Variants in NFASC observed in about 807,000 individuals in gnomAD.
The protein encoded by NFASC is neurofascin.
A neutral mutation model predicts 147.5 loss-of-function variants in NFASC; 43 were observed. The observed-to-expected ratio is 0.29, with a 90% CI of 0.23 to 0.38. NFASC has a LOEUF of 0.38. Ranked by LOEUF, NFASC falls within the 10% of genes least tolerant of loss-of-function variation. NFASC has a pLI of 1.00. For missense variants in NFASC, 1,320 were observed against 1,689.0 expected (o/e 0.78, Z 3.83); for synonymous variants, 622 against 665.5 (o/e 0.93, Z 1.01).
chr1:205,003,402 C>A (rs2096037589), intron 27 of NFASC, among the ~76,000 whole-genome samples: 1 of 152,188 alleles, frequency 6.6e-6, no homozygotes. Flanking sequence ...GATGAAGAAA[C>A]ATCTTCCTTG....
intron 1 of NFASC, among the ~76,000 whole-genome samples, chr1:204,843,292 A>G (rs1012601533): frequency 2.0e-5 from 3 of 152,136 alleles, no homozygotes; most frequent in African/African-American, 7.2e-5. Context: ...TTTTTAATTG[A>G]ACATGTTATT....
In NFASC at chr1:204,951,419, C is replaced by T. The variant is rs57684021; in HGVS notation, c.110-592C>T. ...CCTCAGAAAATCCATCCGCCTCAGC[C>T]TCTCAAAGTGCTGGGATTACAGGTG... On this transcript the variant is annotated intron_variant, in intron 4 of 29. Transcript: ENST00000339876. 3.4e-3 allele frequency among the ~76,000 whole-genome samples: 517 copies of T among 150,958 alleles called. 7 individuals carry two copies. Among genetic ancestry groups the T allele is most frequent in the African/African-American group, 0.012 (484 of 41,090 alleles).
chr1:204,851,922 G>A (rs879310454), intron 1 of NFASC, among the ~76,000 whole-genome samples: 2 of 152,212 alleles, frequency 1.3e-5, no homozygotes, highest in Non-Finnish European at 2.9e-5. Flanking sequence ...TGGCTTTGAT[G>A]CTCTGGAATT....
chr1:204,970,226 G>A (rs2095183240), intron 10 of NFASC, among the ~76,000 whole-genome samples: 1 of 152,140 alleles, frequency 6.6e-6, no homozygotes, highest in Non-Finnish European at 1.5e-5. Context: ...TTCCCTAGCA[G>A]TGGAGCCATT....
chr1:204,989,615 C>T (rs1044250836), intron 23 of NFASC: 28 of 152,210 alleles, frequency 1.8e-4, no homozygotes, highest in Admixed American at 9.2e-4. Context: ...TGGGGACCCC[C>T]GTGTGTCTCC....
chr1:205,009,465 C>T lies in NFASC; in HGVS notation c.3290-92C>T, dbSNP rs1003830055. The T allele has an allele frequency of 2.9e-6, 4 of 1,374,048 alleles. No individual in the cohort carries two copies. The African/African-American group carries it at 5.6e-5, about 19-fold the overall frequency. The allele number at this position is 1,374,048 out of a possible 1,614,324, so 85.1% of individuals were successfully genotyped here. On this transcript the variant is annotated intron_variant, in intron 27 of 29. Coordinates refer to ENST00000339876, the MANE Select transcript of NFASC (RefSeq NM_001005388.3). The stretch of plus-strand genomic sequence containing the variant: ...TGTTAGGCTCCAGGAGAAACATCCA[C>T]ATGAGATAGCTGAAGTTCTTCCCTC...
chr1:204,980,004 A>G (rs1359115724), intron 19 of NFASC, among the ~76,000 whole-genome samples: 1 of 152,242 alleles, frequency 6.6e-6, no homozygotes, highest in Non-Finnish European at 1.5e-5. Context: ...GCCCAAAAAA[A>G]ATGTTAAATG....
intron 2 of NFASC, among the ~76,000 whole-genome samples, chr1:204,924,533 G>A (rs2091147255): frequency 6.6e-6 from 1 of 152,204 alleles, no homozygotes; most frequent in Non-Finnish European, 1.5e-5. Context: ...TGGGACATTG[G>A]TGGAAGAAGC....
chr1:204,964,385 G>A (rs1216702341), intron 8 of NFASC, among the ~76,000 whole-genome samples: 2 of 152,194 alleles, frequency 1.3e-5, no homozygotes, highest in Non-Finnish European at 2.9e-5. Context: ...AAATTAAGAA[G>A]GACAGACAGA....
intron 21 of NFASC, chr1:204,984,215 T>TAGCAA: frequency 1.0e-6 from 1 of 956,292 alleles, no homozygotes; most frequent in South Asian, 1.3e-5. Context: ...AAATGCGGGC[T>TAGCAA]ATAAGATATT....
At chr1:204,841,143 C>G (rs1001953745) in intron 1 of NFASC, among the ~76,000 whole-genome samples, 1 of 152,222 alleles carries the variant, frequency 6.6e-6, no homozygotes, top group Non-Finnish European at 1.5e-5. Flanking sequence ...ATGCAATTGA[C>G]TGGACACCTA....
intron 1 of NFASC, chr1:204,870,922 G>T: frequency 8.2e-7 from 1 of 1,221,240 alleles, no homozygotes; most frequent in South Asian, 1.4e-5. Flanking sequence ...GGAAAAGAAG[G>T]ATCTTGCTGG....
chr1:204,954,441 G>T lies in NFASC; in HGVS notation c.412+57G>T. 4 of 1,536,778 alleles carry T rather than the reference G, an allele frequency of 2.6e-6. No individual in the cohort carries two copies. The highest frequency in any genetic ancestry group is 3.6e-6 in the Non-Finnish European group (4 of 1,126,392). On this transcript the variant is annotated intron_variant, in intron 6 of 29. Transcript: ENST00000339876. This position sits in a 1 kb window ranked among gnomAD's most constrained non-coding sequence, Gnocchi z 5.7. The stretch of plus-strand genomic sequence containing the variant: ...TGCTCCTGGGTAAATGGAGAGTGGG[G>T]GGTGTGGAAGGCCATTCCAGAAGGG...
At position 204,997,299 on chromosome 1, in the gene NFASC, T is replaced by TGGC. The variant is rs1328613388; in HGVS notation, c.2912_2913insGGC (p.Ile971delinsMetAla). 3 of 1,604,358 alleles carry TGGC rather than the reference T, an allele frequency of 1.9e-6. No homozygotes were observed. The highest frequency in any genetic ancestry group is 2.7e-5 in the African/African-American group (2 of 74,584). ...ATCCCAACTGTCGCACCTACCACCATCGCCACCACCACCACCGTCGCCACA... is the reference window on the plus strand; with the variant it reads ...ATCCCAACTGTCGCACCTACCACCATGGCCGCCACCACCACCACCGTCGCCACA... On this transcript the variant is annotated protein_altering_variant, in exon 25 of 30. Coordinates refer to ENST00000339876, the MANE Select transcript of NFASC (RefSeq NM_001005388.3).
intron 7 of NFASC, 57 bp downstream of exon 7, chr1:204,955,008 G>A: frequency 1.3e-6 from 2 of 1,584,070 alleles, no homozygotes; most frequent in Admixed American, 1.7e-5. Context: ...GGTGGGGTGG[G>A]TGTGTTAAGT....
intron 27 of NFASC, among the ~76,000 whole-genome samples, chr1:205,003,393 A>G (rs1405385346): frequency 1.3e-5 from 2 of 152,202 alleles, no homozygotes; most frequent in Non-Finnish European, 2.9e-5. Flanking sequence ...TTAGCTGTGG[A>G]TGAAGAAACA....
chr1:204,941,491 T>C (rs1239117574), intron 2 of NFASC, among the ~76,000 whole-genome samples: 1 of 152,226 alleles, frequency 6.6e-6, no homozygotes, highest in Non-Finnish European at 1.5e-5. Flanking sequence ...CTCTTTCCCT[T>C]CACTTCCTAC....
chr1:204,931,015 G>A (rs1242220792), intron 2 of NFASC, among the ~76,000 whole-genome samples: 1 of 152,064 alleles, frequency 6.6e-6, no homozygotes, highest in Non-Finnish European at 1.5e-5. Flanking sequence ...AGTTGTCCTG[G>A]ATGACAAATG....
intron 1 of NFASC, among the ~76,000 whole-genome samples, chr1:204,864,879 G>A (rs1051555221): frequency 2.6e-5 from 4 of 152,096 alleles, no homozygotes; most frequent in East Asian, 1.9e-4. Flanking sequence ...GTTTTCTCCC[G>A]TTCTGTAGGT....
Sources: gnomAD v4.1 joint callset for allele counts (sites outside exome capture counted in the v4.1 genomes callset) on GRCh38, gnomAD v4.1.1 for gene constraint, Gnocchi (gnomAD v3.1) non-coding constraint, MANE v1.5 for transcripts, NCBI Gene and HGNC (gene_info 2026-07-23, HGNC 2026-07-21) for gene names.